PDE10A: variants seen among roughly 807,000 people sequenced by gnomAD.
The protein encoded by PDE10A is phosphodiesterase 10A.
Under a neutral mutation model 97.7 loss-of-function variants are expected in PDE10A, and 39 were observed. That is an observed-to-expected ratio of 0.40 (90% CI 0.31 to 0.52). The LOEUF (loss-of-function observed/expected upper bound fraction) is 0.52, where lower values mean the gene tolerates loss of function less well. Among genes scored for constraint, PDE10A ranks in the 20% least tolerant of loss-of-function variants. PDE10A has a pLI of 0.56. For missense variants in PDE10A, 731 were observed against 1,047.8 expected (o/e 0.70, Z 4.17); for synonymous variants, 371 against 376.8 (o/e 0.98, Z 0.18).
chr6:165,465,947 G>C (rs1245511834), intron 3 of PDE10A, among the ~76,000 whole-genome samples: 1 of 145,486 alleles, frequency 6.9e-6, no homozygotes, highest in Non-Finnish European at 1.6e-5. Context: ...AACTGCAGGA[G>C]GAAGTACTAA....
At chr6:165,916,362 A>G (rs1782603655) in intron 1 of PDE10A, among the ~76,000 whole-genome samples, 1 of 152,254 alleles carries the variant, frequency 6.6e-6, no homozygotes, top group Admixed American at 6.5e-5. Context: ...GGACAGGACC[A>G]TCCTAGGGTA....
intron 1 of PDE10A, among the ~76,000 whole-genome samples, chr6:165,946,498 TAA>T (rs57063900): frequency 0.054 from 6,928 of 128,514 alleles, 199 homozygotes; most frequent in Non-Finnish European, 0.072. Context: ...TATCTCAAAA[TAA>T]AAAAAAAAAA....
intron 3 of PDE10A, among the ~76,000 whole-genome samples, chr6:165,469,380 T>C (rs1180429018): frequency 2.0e-5 from 3 of 152,190 alleles, no homozygotes; most frequent in Non-Finnish European, 4.4e-5. Context: ...GAAGCCAACA[T>C]GCTTAGGAGT....
Position 165,851,293 on chromosome 6 carries a change from T to C in PDE10A, c.-615+136236A>G, listed in dbSNP as rs1780565656. Among the ~76,000 whole-genome samples, 3 of 152,240 alleles carry C rather than the reference T, an allele frequency of 2.0e-5. No homozygotes were observed. In the South Asian group the frequency reaches 6.2e-4, roughly 31 times the overall value. ...ATTGAACTGCTTCATATGTATTGAT[T>C]TGGAATTGACTCGATTCCATCAGTT... On this transcript the variant is annotated intron_variant, in intron 1 of 19. Transcript: ENST00000366882.
intron 1 of PDE10A, among the ~76,000 whole-genome samples, chr6:165,761,268 CA>C (rs1220923758): frequency 6.6e-6 from 1 of 152,200 alleles, no homozygotes; most frequent in African/African-American, 2.4e-5. Flanking sequence ...AGTTCTACAA[CA>C]AAACGAGGCT....
intron 2 of PDE10A, among the ~76,000 whole-genome samples, chr6:165,505,099 G>A (rs534422681): frequency 6.6e-6 from 1 of 152,292 alleles, no homozygotes; most frequent in South Asian, 2.1e-4. Context: ...GCTCTGCCTA[G>A]AGATGATCCC....
intron 1 of PDE10A, among the ~76,000 whole-genome samples, chr6:165,659,607 A>T (rs1037754892): frequency 1.3e-5 from 2 of 152,206 alleles, no homozygotes; most frequent in Admixed American, 1.3e-4. Context: ...TACCTCAGTC[A>T]TGTCCCAAAT....
At chr6:165,560,720 T>C (rs1015313928) in intron 1 of PDE10A, among the ~76,000 whole-genome samples, 1 of 152,244 alleles carries the variant, frequency 6.6e-6, no homozygotes, top group Non-Finnish European at 1.5e-5. Context: ...GTTGTCAAGT[T>C]GTAATCAATA....
At chr6:165,861,437 G>A (rs573593415) in intron 1 of PDE10A, among the ~76,000 whole-genome samples, 28 of 151,892 alleles carry the variant, frequency 1.8e-4, no homozygotes, top group Non-Finnish European at 3.2e-4. Context: ...GGATGGAGGG[G>A]TGTGCTGTCA....
At chr6:165,722,869 CAT>C (rs774004451) in intron 1 of PDE10A, among the ~76,000 whole-genome samples, 29 of 146,526 alleles carry the variant, frequency 2.0e-4, no homozygotes, top group African/African-American at 3.4e-4. Flanking sequence ...AAAATTTGTT[CAT>C]ATATATATAT....
At chr6:165,814,750 C>A (rs1779364880) in intron 1 of PDE10A, among the ~76,000 whole-genome samples, 1 of 152,088 alleles carries the variant, frequency 6.6e-6, no homozygotes, top group Admixed American at 6.5e-5. Context: ...TTATTATAGT[C>A]AAATGAACAA....
At chr6:165,793,251 T>A (rs1390454216) in intron 1 of PDE10A, among the ~76,000 whole-genome samples, 2 of 152,184 alleles carry the variant, frequency 1.3e-5, no homozygotes, top group African/African-American at 4.8e-5. Context: ...GCTCCCATTC[T>A]TTTTATTTTT....
intron 1 of PDE10A, among the ~76,000 whole-genome samples, chr6:165,623,483 T>C (rs1426727070): frequency 2.7e-5 from 4 of 149,148 alleles, no homozygotes; most frequent in South Asian, 2.1e-4. Context: ...GACATAGGAA[T>C]TGATGACAGA....
intron 1 of PDE10A, among the ~76,000 whole-genome samples, chr6:165,698,044 T>C (rs770310732): frequency 6.6e-6 from 1 of 152,214 alleles, no homozygotes; most frequent in Non-Finnish European, 1.5e-5. Context: ...TTTGGATTTA[T>C]GAAATCAATA....
intron 3 of PDE10A, among the ~76,000 whole-genome samples, chr6:165,456,497 A>C (rs969370006): frequency 6.6e-6 from 1 of 152,204 alleles, no homozygotes; most frequent in African/African-American, 2.4e-5. Flanking sequence ...ACCTGTGTGC[A>C]GTGCTGAGAT....
intron 3 of PDE10A, among the ~76,000 whole-genome samples, chr6:165,468,245 A>AT (rs914985458): frequency 2.7e-5 from 4 of 149,612 alleles, no homozygotes; most frequent in Admixed American, 6.6e-5. Flanking sequence ...TGCTAGGCTA[A>AT]TTTTTTTTTA....
chr6:165,870,535 A>G (rs892421559), intron 1 of PDE10A, among the ~76,000 whole-genome samples: 2 of 152,204 alleles, frequency 1.3e-5, no homozygotes, highest in African/African-American at 4.8e-5. Flanking sequence ...CCATATAGAA[A>G]ACAATATGAA....
chr6:165,892,764 C>T (rs563263265), intron 1 of PDE10A, among the ~76,000 whole-genome samples: 7 of 152,310 alleles, frequency 4.6e-5, no homozygotes, highest in Admixed American at 4.6e-4. Flanking sequence ...GCCTCACCCT[C>T]CCCAGGAATA....
chr6:165,707,690 T>G (rs967882755), intron 1 of PDE10A, among the ~76,000 whole-genome samples: 1 of 151,992 alleles, frequency 6.6e-6, no homozygotes, highest in Non-Finnish European at 1.5e-5. Context: ...TGTGAGCATG[T>G]GTGTGAGTGT....
Sources: gnomAD v4.1 joint callset for allele counts (sites outside exome capture counted in the v4.1 genomes callset) on GRCh38, gnomAD v4.1.1 for gene constraint, MANE v1.5 for transcripts, NCBI Gene and HGNC (gene_info 2026-07-23, HGNC 2026-07-21) for gene names.